The following TIMELESS variants were observed in gnomAD, a reference collection of about 807,000 sequenced individuals.
TIMELESS encodes the protein timeless circadian regulator.
Under a neutral mutation model 164.3 loss-of-function variants are expected in TIMELESS, and 124 were observed. The ratio of observed to expected loss-of-function variants is 0.75; its 90% CI spans 0.65 to 0.88. The LOEUF (loss-of-function observed/expected upper bound fraction) is 0.88. TIMELESS is among the 40% of genes least tolerant of loss of function. TIMELESS has a pLI of 0.00. For missense variants in TIMELESS, 1,422 were observed against 1,491.4 expected, an observed-to-expected ratio of 0.95 and a Z score of 0.77; for synonymous variants, 564 against 563.4, an observed-to-expected ratio of 1.00 and a Z score of -0.02.
intron 1 of TIMELESS, among the ~76,000 whole-genome samples, chr12:56,448,494 A>G (rs1868428050): frequency 6.6e-6 from 1 of 152,072 alleles, no homozygotes; most frequent in Admixed American, 6.5e-5. Context: ...TGGGAGGCCG[A>G]GGCGGGCGGA....
intron 6 of TIMELESS, 62 bp downstream of exon 6, chr12:56,432,964 A>AAAC: frequency 8.6e-7 from 1 of 1,164,270 alleles, no homozygotes; most frequent in East Asian, 2.6e-5. Context: ...AAAAAAAAAA[A>AAAC]AAAAAAAAAA....
In TIMELESS at chr12:56,432,758, C is replaced by T. The variant is rs145014114; in HGVS notation, c.532-234G>A. On this transcript the variant is annotated intron_variant, in intron 6 of 28. Transcript: ENST00000553532. ...AGGAGATCGAGGCCATCTTAGCTAACATGGTGAAACCCTGTCTCTACTAAA... is the reference window on the plus strand; with the variant it reads ...AGGAGATCGAGGCCATCTTAGCTAATATGGTGAAACCCTGTCTCTACTAAA... Among the ~76,000 whole-genome samples, 1,380 of 150,118 alleles carry T rather than the reference C, an allele frequency of 9.2e-3. 26 individuals carry two copies. The highest frequency in any genetic ancestry group is 0.033 in the African/African-American group (1,322 of 40,676).
intron 9 of TIMELESS, among the ~76,000 whole-genome samples, 173 bp from the exon 10 acceptor site, chr12:56,430,454 C>A (rs1483530556): frequency 6.6e-6 from 1 of 151,984 alleles, no homozygotes; most frequent in Non-Finnish European, 1.5e-5. Context: ...GAGCCTTGAA[C>A]TCCTGGGCTC....
At chr12:56,441,911 G>A (rs374004352) in intron 1 of TIMELESS, among the ~76,000 whole-genome samples, 17 of 151,916 alleles carry the variant, frequency 1.1e-4, no homozygotes, top group African/African-American at 2.4e-4. Context: ...ATGAAACCCC[G>A]TCTCTACTAA....
chr12:56,425,202 T>TA, intron 13 of TIMELESS, 50 bp from the exon 14 acceptor site: 1 of 1,551,578 alleles, frequency 6.4e-7, no homozygotes, highest in Non-Finnish European at 8.7e-7. Context: ...AAGAGGGCTT[T>TA]CCCCATCAGT....
intron 1 of TIMELESS, among the ~76,000 whole-genome samples, chr12:56,441,983 C>T (rs1432090578): frequency 6.8e-6 from 1 of 147,940 alleles, no homozygotes; most frequent in Non-Finnish European, 1.5e-5. Context: ...CCTCGGGAGG[C>T]TGAGGCAGGA....
intron 23 of TIMELESS, 92 bp from the exon 24 acceptor site, chr12:56,421,226 C>T (rs565113315): frequency 7.6e-6 from 12 of 1,587,860 alleles, no homozygotes; most frequent in East Asian, 4.5e-5. Flanking sequence ...CACCCCCCCG[C>T]GCCTGCTCTC....
chr12:56,439,000 C>T (rs1424730483), intron 1 of TIMELESS, among the ~76,000 whole-genome samples: 1 of 150,696 alleles, frequency 6.6e-6, no homozygotes, highest in African/African-American at 2.4e-5. Flanking sequence ...CCTGTCTCTA[C>T]TAAAAATACA....
At chr12:56,419,782 A>C (rs1243738387) in intron 26 of TIMELESS, among the ~76,000 whole-genome samples, 8 of 151,592 alleles carry the variant, frequency 5.3e-5, no homozygotes, top group Non-Finnish European at 1.2e-4. Context: ...AAAAAAAAAT[A>C]ACAATACAAC....
chr12:56,438,777 CAAAAAAAAAA>C (rs34222190), intron 1 of TIMELESS, among the ~76,000 whole-genome samples: 10 of 48,476 alleles, frequency 2.1e-4, no homozygotes, highest in East Asian at 2.0e-3. Flanking sequence ...AGCTCTGTCT[CAAAAAAAAAA>C]AAAAAAAAAA....
At chr12:56,447,665 A>G (rs1443078759) in intron 1 of TIMELESS, among the ~76,000 whole-genome samples, 1 of 152,172 alleles carries the variant, frequency 6.6e-6, no homozygotes, top group Non-Finnish European at 1.5e-5. Context: ...GGCGCTAAGC[A>G]CAGTGCATGG....
chr12:56,448,769 G>A (rs1868447532), intron 1 of TIMELESS, among the ~76,000 whole-genome samples: 1 of 152,112 alleles, frequency 6.6e-6, no homozygotes, highest in Admixed American at 6.6e-5. Context: ...AGTACTAGTC[G>A]AAGCACGAAT....
chr12:56,418,179 G>A lies in TIMELESS; in HGVS notation c.3409C>T (p.Leu1137Phe), dbSNP rs1162973983. The A allele has an allele frequency of 1.2e-6, 2 of 1,614,232 alleles. No individual in the cohort carries two copies. Among genetic ancestry groups the A allele is most frequent in the Admixed American group, 1.7e-5 (1 of 60,020 alleles). Residue 1137 changes from leucine (L) to phenylalanine (F), a missense_variant, in exon 27 of 29, where the codon CTC (leucine) becomes TTC (phenylalanine). By Grantham distance (22) the Leu-to-Phe change is conservative. Transcript: ENST00000553532. ...GCTTTCTTCTTGTGGGCTAGCAAGA[G>A]GGCCCTCAGGGCTTGTGCTCGGTGC... The part of the protein sequence containing the change: ...KEHRAQALRA[L>F]LLAHKKKAGL...
chr12:56,429,999 A>T, intron 10 of TIMELESS, 106 bp downstream of exon 10: 1 of 1,132,100 alleles, frequency 8.8e-7, no homozygotes, highest in Non-Finnish European at 1.2e-6. Context: ...TCCACATTCC[A>T]GGGGCAGCCT....
rs141165439 is a variant in TIMELESS, at chr12:56,421,401, G to A, written c.2818C>T (p.Arg940Trp). ...KLLALGLVAE[R>W]RELYKKRQKK... ...TGCCGTTTCTTGTACAGCTCCCGCC[G>A]CTCAGCCACCAGCCCCAGAGCCAAG... Residue 940 changes from arginine to tryptophan, a missense_variant, in exon 23 of 29, where the codon CGG (arginine) becomes TGG (tryptophan). Arg to Trp is a moderately radical substitution (Grantham distance 101). Coordinates refer to ENST00000553532, the MANE Select transcript of TIMELESS (RefSeq NM_003920.5). 5.6e-4 allele frequency: 905 copies of A among 1,613,952 alleles called. No homozygotes were observed. The highest frequency in any genetic ancestry group is 7.0e-4 in the Non-Finnish European group (831 of 1,180,016).
intron 10 of TIMELESS, 81 bp downstream of exon 10, chr12:56,430,024 C>T: frequency 4.8e-6 from 7 of 1,447,836 alleles, no homozygotes; most frequent in Non-Finnish European, 6.5e-6. Flanking sequence ...GAGCTCCTCC[C>T]CACTTCTTAC....
rs140801238 is a variant in TIMELESS at position 56,417,983 on chromosome 12, C to T, written c.3480G>A (p.Pro1160=). The T allele has an allele frequency of 9.9e-4, 1,606 of 1,614,180 alleles. 5 individuals are homozygous for T. Among genetic ancestry groups the T allele is most frequent in the Admixed American group, 3.5e-3 (208 of 60,008 alleles). The change falls in exon 28 of 29, where the codon CCG becomes CCA. Residue 1160 remains proline (P), a synonymous_variant. Coordinates refer to ENST00000553532, the MANE Select transcript of TIMELESS (RefSeq NM_003920.5). Reference sequence around the variant, plus strand: ...GTCGTTTCTTGGGTGCTGCCTTCAGCGGCTCTTTACCAACAGCGTCTTCCT... The same window carrying T: ...GTCGTTTCTTGGGTGCTGCCTTCAGTGGCTCTTTACCAACAGCGTCTTCCT... ...PEEEDAVGKE[P]LKAAPKKRQL...
intron 1 of TIMELESS, among the ~76,000 whole-genome samples, chr12:56,442,481 A>T (rs141713930): frequency 6.6e-6 from 1 of 152,360 alleles, no homozygotes; most frequent in African/African-American, 2.4e-5. Flanking sequence ...GAGCCACTGA[A>T]GATTTCTGAG....
rs74422338 is a variant in TIMELESS, at chr12:56,422,290, A to G, written c.2439-99T>C. On this transcript the variant is annotated intron_variant, in intron 19 of 28. Transcript: ENST00000553532. Reference sequence around the variant, plus strand: ...CAGTTCTGAAAAGAACAGGAAGGACAAGGCAGGTAACTGAAAGAGGCCAGC... The same window carrying G: ...CAGTTCTGAAAAGAACAGGAAGGACGAGGCAGGTAACTGAAAGAGGCCAGC... The G allele has an allele frequency of 1.7e-3, 1,927 of 1,117,992 alleles. 20 individuals are homozygous for G. In the African/African-American group the frequency reaches 0.027, roughly 15 times the overall value. 69.3% of individuals were successfully genotyped at this position (1,117,992 alleles called of 1,614,324 possible).
Sources: gnomAD v4.1 joint callset for allele counts (sites outside exome capture counted in the v4.1 genomes callset) on GRCh38, gnomAD v4.1.1 for gene constraint, MANE v1.5 for transcripts, NCBI Gene and HGNC (gene_info 2026-07-23, HGNC 2026-07-21) for gene names.